The following SLFN12L variants were observed in gnomAD, a reference collection of about 807,000 sequenced individuals.
SLFN12L encodes the protein schlafen family member 12-like.
Under a neutral mutation model 34.8 loss-of-function variants are expected in SLFN12L, and 34 were observed. That is an observed-to-expected ratio of 0.98 (90% CI 0.74 to 1.30). SLFN12L has a LOEUF of 1.30. SLFN12L is among the 50% of genes most tolerant of loss of function. SLFN12L has a pLI of 0.00. For synonymous variants in SLFN12L, 259 were observed against 247.5 expected (o/e 1.05, Z -0.44); for missense variants, 703 against 696.2 (o/e 1.01, Z -0.11).
At chr17:35,533,994 C>G (rs2072435322) in intron 1 of SLFN12L, among the ~76,000 whole-genome samples, 2 of 152,046 alleles carry the variant, frequency 1.3e-5, no homozygotes, top group Admixed American at 1.3e-4. Context: ...ATTGCTTTAA[C>G]CTGGGAGGCA....
At chr17:35,522,093 C>T (rs548916414) in intron 2 of SLFN12L, among the ~76,000 whole-genome samples, 186 bp downstream of exon 2, 77 of 152,040 alleles carry the variant, frequency 5.1e-4, no homozygotes, top group African/African-American at 1.8e-3. Flanking sequence ...ACGTTGTGCA[C>T]ATGTACCCTA....
At chr17:35,514,156 A>G (rs1444265088) in intron 2 of SLFN12L, among the ~76,000 whole-genome samples, 1 of 152,224 alleles carries the variant, frequency 6.6e-6, no homozygotes, top group Admixed American at 6.5e-5. Flanking sequence ...GCTGTTTGCA[A>G]CTACTTATAT....
intron 2 of SLFN12L, among the ~76,000 whole-genome samples, chr17:35,484,322 T>C (rs1049962897): frequency 1.3e-5 from 2 of 152,162 alleles, no homozygotes; most frequent in African/African-American, 2.4e-5. Context: ...AGCAGTGAAG[T>C]GGCCAGAGCA....
In SLFN12L at chr17:35,490,366, C is replaced by G; in HGVS notation, c.87-10171G>C. On this transcript the variant is annotated intron_variant, in intron 2 of 4. Coordinates refer to ENST00000628453, the MANE Select transcript of SLFN12L (RefSeq NM_001363830.2). ...CAGAAAAAACACGGTACGATAGTCT[C>G]TTGATCTGCTCACCAAGAAGTTCAT... 2.3e-6 allele frequency: 3 copies of G among 1,330,990 alleles called. No individual in the cohort carries two copies. In the South Asian group the frequency reaches 3.5e-5, roughly 16 times the overall value. The allele number at this position is 1,330,990 out of a possible 1,614,324, so 82.4% of individuals were successfully genotyped here.
intron 2 of SLFN12L, among the ~76,000 whole-genome samples, chr17:35,495,394 T>G (rs1206539584): frequency 6.6e-6 from 1 of 152,180 alleles, no homozygotes; most frequent in Non-Finnish European, 1.5e-5. Context: ...TTATACACTT[T>G]AAATACGTAC....
At position 35,468,067 on chromosome 17, in the gene SLFN12L, G is replaced by A. The variant is rs961738424; in HGVS notation, c.*6856C>T. 3.3e-5 allele frequency among the ~76,000 whole-genome samples: 5 copies of A among 151,988 alleles called. No homozygotes were observed. The highest frequency in any genetic ancestry group is 7.3e-5 in the African/African-American group (3 of 41,372). ...TGCGACCACAGGCACACACTACCAC[G>A]CCCAGCTAATTTTTTATGTTTTTTG... On this transcript the variant is annotated 3_prime_UTR_variant, in exon 5 of 5. Coordinates refer to ENST00000628453, the MANE Select transcript of SLFN12L (RefSeq NM_001363830.2).
rs116035518 is a variant in SLFN12L at position 35,498,158 on chromosome 17, G to A, written c.87-17963C>T. 1,763 of 486,822 alleles carry A rather than the reference G, an allele frequency of 3.6e-3. 23 individuals carry two copies. The highest frequency in any genetic ancestry group is 0.03 in the African/African-American group (1,456 of 49,330). 30.2% of individuals were successfully genotyped at this position (486,822 alleles called of 1,614,324 possible). A position where few individuals can be genotyped will look rare whatever the true frequency, so the allele number is the denominator to read the frequency against. ...TGCAGCAGAGACGACGGAGGCGGAA[G>A]CATCTCGATCCGGGAGGCGGCGGCG... On this transcript the variant is annotated intron_variant, in intron 2 of 4. Transcript: ENST00000628453.
At chr17:35,496,942 A>G (rs1915105018) in intron 2 of SLFN12L, among the ~76,000 whole-genome samples, 1 of 152,232 alleles carries the variant, frequency 6.6e-6, no homozygotes, top group Admixed American at 6.5e-5. Flanking sequence ...CTGTAGGCGC[A>G]CATAATTACC....
chr17:35,481,518 C>G (rs1234753415), intron 2 of SLFN12L, among the ~76,000 whole-genome samples: 1 of 152,260 alleles, frequency 6.6e-6, no homozygotes, highest in East Asian at 1.9e-4. Flanking sequence ...CTCTCTGTCT[C>G]CATCTTGGCT....
At position 35,479,409 on chromosome 17, in the gene SLFN12L, G is replaced by C; in HGVS notation, c.873C>G (p.Gly291=). Residue 291 remains glycine (G), a synonymous_variant, in exon 3 of 5, where the codon GGC becomes GGG. Coordinates refer to ENST00000628453, the MANE Select transcript of SLFN12L (RefSeq NM_001363830.2). ...VGLNEDKEVI[G]FKAEKSYLTK... ...TAAGATAACTCTTCTCTGCTTTAAA[G>C]CCAATTACTTCTTTATCTTCATTTA... 3 of 1,613,262 alleles carry C rather than the reference G, an allele frequency of 1.9e-6. No homozygotes were observed. The highest frequency in any genetic ancestry group is 2.5e-6 in the Non-Finnish European group (3 of 1,179,476).
rs1382312338 is a variant in SLFN12L, at chr17:35,469,645, G to A, written c.*5278C>T. On this transcript the variant is annotated 3_prime_UTR_variant, in exon 5 of 5. Transcript: ENST00000628453. ...GCCCAGGGGCAATGGGTCTTACTGT[G>A]TTTTCCTAGGTTCTGTACTTGTCTA... Among the ~76,000 whole-genome samples the A allele has an allele frequency of 6.6e-6, 1 of 151,946 alleles. No homozygotes were observed. Among genetic ancestry groups the A allele is most frequent in the Non-Finnish European group, 1.5e-5 (1 of 68,020 alleles).
rs551790409 is a variant in SLFN12L, at chr17:35,504,386, C to A, written c.86+17893G>T. On this transcript the variant is annotated intron_variant, in intron 2 of 4. Transcript: ENST00000628453. Reference sequence around the variant, plus strand: ...TTGTAATTTCCTAAAATCATACATTCATTTTACTAGAGGATCATAGACGTT... The same window carrying A: ...TTGTAATTTCCTAAAATCATACATTAATTTTACTAGAGGATCATAGACGTT... Among the ~76,000 whole-genome samples the A allele has an allele frequency of 2.6e-4, 40 of 152,340 alleles. No homozygotes were observed. In the South Asian group the frequency reaches 7.2e-3, roughly 28 times the overall value.
rs927654995 is a variant in SLFN12L, at chr17:35,470,924, T to A, written c.*3999A>T. Among the ~76,000 whole-genome samples the A allele has an allele frequency of 6.6e-6, 1 of 152,238 alleles. No individual in the cohort carries two copies. The highest frequency in any genetic ancestry group is 1.9e-4 in the East Asian group (1 of 5,178). On this transcript the variant is annotated 3_prime_UTR_variant, in exon 5 of 5. Transcript: ENST00000628453. ...AGAACATGTAGTGTTTCATTTTCTG[T>A]TCCCATGTTAGTTTGCTGAGGATGA...
chr17:35,510,647 A>C (rs1313008149), intron 2 of SLFN12L, among the ~76,000 whole-genome samples: 1 of 152,186 alleles, frequency 6.6e-6, no homozygotes, highest in Non-Finnish European at 1.5e-5. Context: ...TGTGAGGTGG[A>C]TAGTGGTGAT....
intron 2 of SLFN12L, chr17:35,514,725 A>G (rs904938248): frequency 5.5e-5 from 21 of 381,690 alleles, no homozygotes; most frequent in Admixed American, 4.8e-4. Flanking sequence ...AGACTTTTTC[A>G]AGTATTTTAA....
chr17:35,499,770 G>A (rs1456984228), intron 2 of SLFN12L: 2 of 244,410 alleles, frequency 8.2e-6, no homozygotes, highest in African/African-American at 4.7e-5. Context: ...AGGAAGTAGA[G>A]TTGCTAGCTC....
rs1424679228 is a variant in SLFN12L, at chr17:35,510,551, G to A, written c.86+11728C>T. On this transcript the variant is annotated intron_variant, in intron 2 of 4. Coordinates refer to ENST00000628453, the MANE Select transcript of SLFN12L (RefSeq NM_001363830.2). ...TTATAGGAAATATCCAGATAGGCAC[G>A]TCCATAGAGACAGAGAGGAGAGGAG... Among the ~76,000 whole-genome samples, 42 of 152,160 alleles carry A rather than the reference G, an allele frequency of 2.8e-4. 1 individual carries two copies. The highest frequency in any genetic ancestry group is 2.0e-4 in the Admixed American group (3 of 15,264).
At position 35,469,338 on chromosome 17, in the gene SLFN12L, A is replaced by AAT. The variant is rs1197482181; in HGVS notation, c.*5583_*5584dup. Among the ~76,000 whole-genome samples the AAT allele has an allele frequency of 3.1e-3, 295 of 95,490 alleles. 1 individual carries two copies. Among genetic ancestry groups the AAT allele is most frequent in the East Asian group, 0.03 (96 of 3,152 alleles). The allele number at this position is 95,490 out of a possible 152,430, so 62.6% of individuals were successfully genotyped here. A position where few individuals can be genotyped will look rare whatever the true frequency, so the allele number is the denominator to read the frequency against. Reference sequence around the variant, plus strand: ...ATATTATATATATAAATATATATATAATATATATATATATGTATTTCAAAC... The same window carrying AAT: ...ATATTATATATATAAATATATATATAATATATATATATATATGTATTTCAAAC... On this transcript the variant is annotated 3_prime_UTR_variant, in exon 5 of 5. Transcript: ENST00000628453.
Position 35,528,595 on chromosome 17 carries a change from G to T in SLFN12L, c.-605-5626C>A, listed in dbSNP as rs147588159. ...CTAACAAAAACAAGCAATGGGGAAA[G>T]GATTCCCTATTCAATAAATGGTGTT... On this transcript the variant is annotated intron_variant, in intron 1 of 4. Coordinates refer to ENST00000628453, the MANE Select transcript of SLFN12L (RefSeq NM_001363830.2). Among the ~76,000 whole-genome samples the T allele has an allele frequency of 4.3e-3, 652 of 152,272 alleles. 3 individuals are homozygous for T. Among genetic ancestry groups the T allele is most frequent in the African/African-American group, 0.015 (623 of 41,564 alleles).
Sources: allele counts gnomAD v4.1 joint callset (sites outside exome capture counted in the v4.1 genomes callset), GRCh38; gene constraint gnomAD v4.1.1; transcripts MANE v1.5; gene names NCBI Gene and HGNC (gene_info 2026-07-23, HGNC 2026-07-21).